The following MDGA2 variants were observed in gnomAD, a reference collection of about 807,000 sequenced individuals.
The protein encoded by MDGA2 is MAM domain containing glycosylphosphatidylinositol anchor 2.
A neutral mutation model predicts 117.8 loss-of-function variants in MDGA2; 40 were observed. That is an observed-to-expected ratio of 0.34 (90% CI 0.26 to 0.44). The LOEUF (loss-of-function observed/expected upper bound fraction) is 0.44, where lower values mean the gene tolerates loss of function less well. Ranked by LOEUF, MDGA2 falls within the 20% of genes least tolerant of loss-of-function variation. MDGA2 has a pLI of 1.00. For missense variants in MDGA2, 1,123 were observed against 1,250.6 expected (o/e 0.90, Z 1.54); for synonymous variants, 452 against 439.0 (o/e 1.03, Z -0.37).
At chr14:46,946,120 A>C (rs546953104) in intron 9 of MDGA2, among the ~76,000 whole-genome samples, 1 of 151,768 alleles carries the variant, frequency 6.6e-6, no homozygotes, top group Non-Finnish European at 1.5e-5. Flanking sequence ...ATGATGTTTT[A>C]ATTTAATCTG....
chr14:47,408,675 A>C (rs1892310799), intron 1 of MDGA2, among the ~76,000 whole-genome samples: 1 of 152,184 alleles, frequency 6.6e-6, no homozygotes, highest in Admixed American at 6.5e-5. Flanking sequence ...ATATTTGTGT[A>C]ATTTGTCCTC....
intron 1 of MDGA2, among the ~76,000 whole-genome samples, chr14:47,463,191 A>T (rs1196223399): frequency 2.0e-5 from 3 of 152,220 alleles, no homozygotes; most frequent in Non-Finnish European, 4.4e-5. Context: ...ATCTCAAATT[A>T]AATTTTTATT....
chr14:47,156,230 T>C (rs1332404320), intron 3 of MDGA2, among the ~76,000 whole-genome samples: 1 of 152,130 alleles, frequency 6.6e-6, no homozygotes, highest in Non-Finnish European at 1.5e-5. Flanking sequence ...ATCAGTTGTG[T>C]GTCCCTATTT....
chr14:46,892,580 T>C (rs1882924767), intron 10 of MDGA2, among the ~76,000 whole-genome samples: 1 of 151,818 alleles, frequency 6.6e-6, no homozygotes, highest in Admixed American at 6.6e-5. Context: ...CAATGAACTG[T>C]AAAAATCATG....
At chr14:47,571,385 A>C (rs558024793) in intron 1 of MDGA2, among the ~76,000 whole-genome samples, 1 of 152,242 alleles carries the variant, frequency 6.6e-6, no homozygotes, top group African/African-American at 2.4e-5. Context: ...ACCATTTGAC[A>C]CAGCAATCCC....
intron 1 of MDGA2, among the ~76,000 whole-genome samples, chr14:47,378,552 G>A (rs1891533994): frequency 1.3e-5 from 2 of 152,148 alleles, no homozygotes; most frequent in African/African-American, 4.8e-5. Context: ...ACCATGGCAG[G>A]AGAACTAAGT....
At chr14:46,986,149 T>A (rs979258506) in intron 8 of MDGA2, among the ~76,000 whole-genome samples, 1 of 152,022 alleles carries the variant, frequency 6.6e-6, no homozygotes, top group Non-Finnish European at 1.5e-5. Context: ...AGACCACTGT[T>A]TTTTTGCTTA....
intron 1 of MDGA2, among the ~76,000 whole-genome samples, chr14:47,644,245 G>T (rs1897483221): frequency 6.6e-6 from 1 of 152,104 alleles, no homozygotes; most frequent in Admixed American, 6.6e-5. Context: ...TAAAGATCTT[G>T]AGACTTAAAG....
intron 1 of MDGA2, among the ~76,000 whole-genome samples, chr14:47,326,769 A>G (rs953881250): frequency 2.9e-4 from 44 of 152,020 alleles, no homozygotes; most frequent in African/African-American, 1.0e-3. Flanking sequence ...GAAATTGGTT[A>G]TGGCTTGTCT....
intron 2 of MDGA2, among the ~76,000 whole-genome samples, chr14:47,232,155 T>C (rs1383238659): frequency 6.6e-6 from 1 of 152,088 alleles, no homozygotes; most frequent in Non-Finnish European, 1.5e-5. Flanking sequence ...GGTTATATCA[T>C]GAAGAATTCA....
chr14:46,869,450 T>C (rs1021118494), intron 14 of MDGA2, among the ~76,000 whole-genome samples: 11 of 151,958 alleles, frequency 7.2e-5, no homozygotes, highest in Admixed American at 5.9e-4. Context: ...AAGAATCTTT[T>C]ATTATTATCA....
intron 3 of MDGA2, among the ~76,000 whole-genome samples, chr14:47,154,482 C>G (rs372594543): frequency 6.6e-6 from 1 of 152,164 alleles, no homozygotes; most frequent in South Asian, 2.1e-4. Flanking sequence ...GCAGTGGACC[C>G]GGACATCCCT....
chr14:46,933,814 A>G, intron 9 of MDGA2, among the ~76,000 whole-genome samples: 2 of 48,048 alleles, frequency 4.2e-5, no homozygotes, highest in South Asian at 2.5e-3. Flanking sequence ...ATATATATAT[A>G]TATATATATA....
intron 2 of MDGA2, among the ~76,000 whole-genome samples, chr14:47,225,138 C>T (rs1176058789): frequency 6.6e-6 from 1 of 151,930 alleles, no homozygotes; most frequent in African/African-American, 2.4e-5. Context: ...GTTAGAATGG[C>T]AATCATTAAA....
At chr14:47,649,767 A>C (rs1427113869) in intron 1 of MDGA2, among the ~76,000 whole-genome samples, 1 of 152,150 alleles carries the variant, frequency 6.6e-6, no homozygotes, top group Non-Finnish European at 1.5e-5. Context: ...CTCAGAGAGA[A>C]AATATGTAAT....
chr14:47,084,736 A>G (rs1452141329), intron 6 of MDGA2, among the ~76,000 whole-genome samples: 6 of 152,164 alleles, frequency 3.9e-5, no homozygotes. Flanking sequence ...AGTTACAGAG[A>G]GAGCTGGCTT....
At chr14:47,197,092 T>C (rs1276918472) in intron 3 of MDGA2, among the ~76,000 whole-genome samples, 3 of 152,244 alleles carry the variant, frequency 2.0e-5, no homozygotes, top group African/African-American at 7.2e-5. Flanking sequence ...GTTGATTCCC[T>C]GTCTTTGATA....
intron 4 of MDGA2, among the ~76,000 whole-genome samples, chr14:47,135,652 AAACCTTGAAT>A: frequency 6.6e-6 from 1 of 152,206 alleles, no homozygotes; most frequent in South Asian, 2.1e-4. Context: ...AAGGGCTAGA[AAACCTTGAAT>A]TGTTCCCCTT....
At position 47,432,140 on chromosome 14, in the gene MDGA2, G is replaced by T. The variant is rs17118636; in HGVS notation, c.281-130590C>A. Reference sequence around the variant, plus strand: ...GCTGTGCACATATCAAGCTCTGATTGTTTTTTTAAAGACTGTAGAATAACT... The same window carrying T: ...GCTGTGCACATATCAAGCTCTGATTTTTTTTTTAAAGACTGTAGAATAACT... On this transcript the variant is annotated intron_variant, in intron 1 of 16. Transcript: ENST00000399232. 3.9e-3 allele frequency among the ~76,000 whole-genome samples: 587 copies of T among 151,896 alleles called. 7 individuals carry two copies. Among genetic ancestry groups the T allele is most frequent in the African/African-American group, 0.013 (558 of 41,474 alleles).
Sources: gnomAD v4.1 joint callset for allele counts (sites outside exome capture counted in the v4.1 genomes callset) on GRCh38, gnomAD v4.1.1 for gene constraint, MANE v1.5 for transcripts, NCBI Gene and HGNC (gene_info 2026-07-23, HGNC 2026-07-21) for gene names.